ZNF385B: variants seen among roughly 807,000 people sequenced by gnomAD.
ZNF385B encodes the protein zinc finger protein 385B, also known as zinc finger protein 533.
In ZNF385B, 23 loss-of-function variants were observed where a neutral mutation model predicts 39.2. The ratio of observed to expected loss-of-function variants is 0.59; its 90% CI spans 0.42 to 0.83. The LOEUF is 0.83. Ranked by LOEUF, ZNF385B falls within the 40% of genes least tolerant of loss-of-function variation. The pLI is 0.00. For synonymous variants in ZNF385B, 205 were observed against 222.6 expected (o/e 0.92, Z 0.70); for missense variants, 552 against 598.9 (o/e 0.92, Z 0.82).
At chr2:179,818,229 GT>G (rs1707192209) in intron 1 of ZNF385B, among the ~76,000 whole-genome samples, 2 of 152,120 alleles carry the variant, frequency 1.3e-5, no homozygotes, top group Admixed American at 6.5e-5. Flanking sequence ...TACAAGTGCA[GT>G]TTTATTAAAA....
At chr2:179,802,475 A>T (rs1706094358) in intron 1 of ZNF385B, 1 of 152,072 alleles carries the variant, frequency 6.6e-6, no homozygotes, top group African/African-American at 2.4e-5. Flanking sequence ...TCATCCCTTC[A>T]TTTGAAGTAT....
intron 3 of ZNF385B, among the ~76,000 whole-genome samples, chr2:179,648,480 G>A (rs1692933707): frequency 1.3e-5 from 2 of 152,090 alleles, no homozygotes; most frequent in African/African-American, 4.8e-5. Flanking sequence ...ATGTGCACAT[G>A]TTTGTGTATG....
intron 3 of ZNF385B, among the ~76,000 whole-genome samples, chr2:179,636,744 G>A (rs1024499604): frequency 2.6e-5 from 4 of 152,168 alleles, no homozygotes; most frequent in Middle Eastern, 6.8e-3. Flanking sequence ...TTCCTATCTC[G>A]AATGTTTTGA....
At position 179,597,675 on chromosome 2, in the gene ZNF385B, C is replaced by T. The variant is rs1688106925; in HGVS notation, c.299-52706G>A. The stretch of plus-strand genomic sequence containing the variant: ...TCCTATTGATACAAGTTATATAATA[C>T]CATCTTATTTTGCATTTTAATGTGG... On this transcript the variant is annotated intron_variant, in intron 3 of 9. Coordinates refer to ENST00000410066, the MANE Select transcript of ZNF385B (RefSeq NM_152520.6). Among the ~76,000 whole-genome samples, 3 of 152,212 alleles carry T rather than the reference C, an allele frequency of 2.0e-5. No individual in the cohort carries two copies. The South Asian group carries it at 6.2e-4, about 32-fold the overall frequency.
At chr2:179,685,637 G>A (rs1217312144) in intron 3 of ZNF385B, among the ~76,000 whole-genome samples, 3 of 151,262 alleles carry the variant, frequency 2.0e-5, no homozygotes, top group Non-Finnish European at 3.0e-5. Flanking sequence ...ATTTTTTACT[G>A]CCTATTGATA....
At chr2:179,605,632 G>A (rs138935245) in intron 3 of ZNF385B, among the ~76,000 whole-genome samples, 8 of 152,198 alleles carry the variant, frequency 5.3e-5, no homozygotes, top group East Asian at 1.9e-4. Flanking sequence ...TATTTACTGC[G>A]TGATTTGATT....
intron 3 of ZNF385B, among the ~76,000 whole-genome samples, chr2:179,738,078 G>A (rs1165170523): frequency 2.0e-5 from 3 of 152,084 alleles, no homozygotes; most frequent in Non-Finnish European, 4.4e-5. Flanking sequence ...GTCACAATCT[G>A]CCTTTTGCTT....
At chr2:179,647,167 T>C (rs139063795) in intron 3 of ZNF385B, among the ~76,000 whole-genome samples, 39 of 152,324 alleles carry the variant, frequency 2.6e-4, no homozygotes, top group African/African-American at 8.9e-4. Flanking sequence ...ATTGCCTATG[T>C]TCCATAGTTA....
chr2:179,597,399 T>C (rs1688086113), intron 3 of ZNF385B, among the ~76,000 whole-genome samples: 1 of 152,214 alleles, frequency 6.6e-6, no homozygotes, highest in Admixed American at 6.5e-5. Context: ...AGGATGTATA[T>C]ATTACTTTGA....
chr2:179,664,524 A>G (rs963766806), intron 3 of ZNF385B, among the ~76,000 whole-genome samples: 1 of 152,188 alleles, frequency 6.6e-6, no homozygotes, highest in Admixed American at 6.5e-5. Context: ...GAGTCTGAAA[A>G]TCCAGAAGAG....
Position 179,499,288 on chromosome 2 carries a change from G to A in ZNF385B, c.553-15854C>T, listed in dbSNP as rs573994521. 1.6e-4 allele frequency among the ~76,000 whole-genome samples: 24 copies of A among 151,970 alleles called. 1 individual carries two copies. The highest frequency in any genetic ancestry group is 5.8e-4 in the African/African-American group (24 of 41,516). On this transcript the variant is annotated intron_variant, in intron 5 of 9. Coordinates refer to ENST00000410066, the MANE Select transcript of ZNF385B (RefSeq NM_152520.6). ...CTCAAATTATTCCAAAAATAGAAGAGGAGGGAATACTCCAAACTCGTTCTA... is the reference window on the plus strand; with the variant it reads ...CTCAAATTATTCCAAAAATAGAAGAAGAGGGAATACTCCAAACTCGTTCTA...
intron 3 of ZNF385B, among the ~76,000 whole-genome samples, chr2:179,652,846 C>CAAAAAAA (rs10653511): frequency 7.1e-6 from 1 of 140,498 alleles, no homozygotes. Context: ...AGCAAAGCAC[C>CAAAAAAA]AAAAAAAAAA....
At chr2:179,855,469 T>A (rs899397209) in intron 1 of ZNF385B, among the ~76,000 whole-genome samples, 4 of 152,210 alleles carry the variant, frequency 2.6e-5, no homozygotes, top group African/African-American at 2.4e-5. Context: ...AGCCTGGTCA[T>A]CTTTTGTACC....
intron 4 of ZNF385B, among the ~76,000 whole-genome samples, chr2:179,541,455 A>G (rs2105897093): frequency 6.6e-6 from 1 of 152,294 alleles, no homozygotes; most frequent in South Asian, 2.1e-4. Context: ...AAATCTACTT[A>G]AAGAGAATAA....
intron 3 of ZNF385B, among the ~76,000 whole-genome samples, chr2:179,704,602 G>A (rs1699451420): frequency 6.6e-6 from 1 of 152,172 alleles, no homozygotes; most frequent in Non-Finnish European, 1.5e-5. Context: ...AATGAAGAAG[G>A]TAGACTGGAG....
chr2:179,803,272 C>T (rs1236982262), intron 1 of ZNF385B, among the ~76,000 whole-genome samples: 1 of 152,068 alleles, frequency 6.6e-6, no homozygotes, highest in Non-Finnish European at 1.5e-5. Flanking sequence ...TAAGGTAACA[C>T]AGTTTTAGTA....
chr2:179,800,881 AGACAAT>A (rs1193643369), intron 1 of ZNF385B, among the ~76,000 whole-genome samples: 1 of 152,152 alleles, frequency 6.6e-6, no homozygotes, highest in African/African-American at 2.4e-5. Flanking sequence ...TTAAAAGGAT[AGACAAT>A]TTCTTACATA....
intron 6 of ZNF385B, among the ~76,000 whole-genome samples, chr2:179,452,330 C>T (rs2105596330): frequency 6.6e-6 from 1 of 152,170 alleles, no homozygotes; most frequent in African/African-American, 2.4e-5. Context: ...ACTCCAAAAT[C>T]TTTACTCAAA....
At chr2:179,547,722 T>G (rs2060322765) in intron 3 of ZNF385B, among the ~76,000 whole-genome samples, 1 of 149,606 alleles carries the variant, frequency 6.7e-6, no homozygotes, top group Non-Finnish European at 1.5e-5. Flanking sequence ...TCCATATACA[T>G]TTTAGGATAG....
Sources: allele counts gnomAD v4.1 joint callset (sites outside exome capture counted in the v4.1 genomes callset), GRCh38; gene constraint gnomAD v4.1.1; transcripts MANE v1.5; gene names NCBI Gene and HGNC (gene_info 2026-07-23, HGNC 2026-07-21).